The following COL4A6 variants were observed in gnomAD, a reference collection of about 807,000 sequenced individuals.
COL4A6 encodes the protein collagen type IV alpha 6 chain, also known as collagen alpha-6(IV) chain.
A neutral mutation model predicts 126.7 loss-of-function variants in COL4A6; 59 were observed. That is an observed-to-expected ratio of 0.47 (90% CI 0.38 to 0.58). The LOEUF (loss-of-function observed/expected upper bound fraction) is 0.58, where lower values mean the gene tolerates loss of function less well. Ranked by LOEUF, COL4A6 falls within the 20% of genes least tolerant of loss-of-function variation. The pLI, the probability that COL4A6 is intolerant of heterozygous loss-of-function variation, is 0.00. For missense variants in COL4A6, 1,285 were observed against 1,337.3 expected (o/e 0.96, Z 0.61); for synonymous variants, 547 against 496.6 (o/e 1.10, Z -1.35).
intron 3 of COL4A6, among the ~76,000 whole-genome samples, chrX:108,227,895 TG>T (rs202119844): frequency 4.9e-3 from 543 of 111,839 alleles, no homozygotes; most frequent in African/African-American, 0.017. Flanking sequence ...TTCAGATGGT[TG>T]GGGGGACCTT....
At chrX:108,207,241 A>T (rs752597666) in intron 8 of COL4A6, among the ~76,000 whole-genome samples, 1 of 102,639 alleles carries the variant, frequency 9.7e-6, no homozygotes, top group South Asian at 4.7e-4. Context: ...TGGATTAAAC[A>T]CCGCATGTTC....
intron 2 of COL4A6, among the ~76,000 whole-genome samples, chrX:108,414,181 A>G (rs998882279): frequency 4.5e-5 from 5 of 112,340 alleles, no homozygotes; most frequent in Non-Finnish European, 9.4e-5. Context: ...CTGAGGCAGA[A>G]AGAAACATAA....
Position 108,438,253 on chromosome X carries a change from G to A in COL4A6, c.-57C>T. ...AGACTGCTAAGCGGCTCCGCGGCCCGTGCTCATCTGGGCTCTGCTGATGCT... is the reference window on the plus strand; with the variant it reads ...AGACTGCTAAGCGGCTCCGCGGCCCATGCTCATCTGGGCTCTGCTGATGCT... On this transcript the variant is annotated 5_prime_UTR_variant, in exon 1 of 45. The change creates a new upstream start codon in the 5' untranslated region. Transcript: ENST00000334504. 8.6e-7 allele frequency: 1 copy of A among 1,158,026 alleles called. No individual in the cohort carries two copies. Among genetic ancestry groups the A allele is most frequent in the Admixed American group, 2.7e-5 (1 of 36,804 alleles).
At chrX:108,291,736 C>T (rs1223354013) in intron 3 of COL4A6, among the ~76,000 whole-genome samples, 1 of 111,567 alleles carries the variant, frequency 9.0e-6, no homozygotes, top group East Asian at 2.8e-4. Context: ...CGGGAAATTG[C>T]CAGTATTAAT....
chrX:108,328,493 C>T (rs912189602), intron 2 of COL4A6, among the ~76,000 whole-genome samples: 2 of 111,264 alleles, frequency 1.8e-5, no homozygotes, highest in Non-Finnish European at 3.8e-5. Flanking sequence ...CAAAGCTTTA[C>T]AATACCAGCA....
chrX:108,333,203 T>C (rs1313051606), intron 2 of COL4A6, among the ~76,000 whole-genome samples: 1 of 111,534 alleles, frequency 9.0e-6, no homozygotes, highest in East Asian at 2.8e-4. Context: ...ATTTTTATAC[T>C]AGAACTATGC....
chrX:108,276,861 C>T (rs1397094314), intron 3 of COL4A6, among the ~76,000 whole-genome samples: 2 of 112,303 alleles, frequency 1.8e-5, no homozygotes, highest in Admixed American at 9.4e-5. Context: ...CTATGTACCT[C>T]AAACATTCCC....
chrX:108,194,765 A>T (rs1602771744), intron 15 of COL4A6, 178 bp from the exon 16 acceptor site: 13 of 475,560 alleles, frequency 2.7e-5, no homozygotes, highest in Non-Finnish European at 4.3e-5. Flanking sequence ...GGCAGTAGGT[A>T]GCCAATTTAC....
chrX:108,270,657 T>C (rs898646727), intron 3 of COL4A6, among the ~76,000 whole-genome samples: 26 of 112,379 alleles, frequency 2.3e-4, no homozygotes, highest in Non-Finnish European at 7.5e-5. Context: ...CATTAACTCA[T>C]AGAGGTGGTA....
intron 35 of COL4A6, among the ~76,000 whole-genome samples, chrX:108,170,383 A>T (rs2034262987): frequency 8.9e-6 from 1 of 112,003 alleles, no homozygotes; most frequent in Admixed American, 9.4e-5. Flanking sequence ...TGCCAGGGCA[A>T]TTGCCTTCCT....
intron 5 of COL4A6, among the ~76,000 whole-genome samples, chrX:108,217,762 G>T (rs1376661097): frequency 8.9e-6 from 1 of 111,779 alleles, no homozygotes; most frequent in Non-Finnish European, 1.9e-5. Context: ...AAGAAAGTGG[G>T]ATTTTATGGA....
rs143895379 is a variant in COL4A6, at chrX:108,178,828, C to T, written c.2371G>A (p.Gly791Ser). The T allele has an allele frequency of 2.3e-3, 2,731 of 1,208,542 alleles. 1 individual carries two copies. The highest frequency in any genetic ancestry group is 2.8e-3 in the Non-Finnish European group (2,546 of 894,777). The change falls in exon 27 of 45, where the codon GGC (glycine) becomes AGC (serine). Residue 791 changes from glycine (G) to serine (S), a missense_variant. Transcript: ENST00000334504. ...PGLKGVHGKP[G>S]LLGPKGERGS... ...CGCTCACCTTTGGGGCCTAGTAAGC[C>T]AGGCTTCCCGTGCACACCTGATAAA...
chrX:108,405,031 CACAA>C (rs2041175024), intron 2 of COL4A6, among the ~76,000 whole-genome samples: 1 of 110,967 alleles, frequency 9.0e-6, no homozygotes, highest in Admixed American at 9.6e-5. Context: ...AACACACAAA[CACAA>C]ACACACACAC....
At chrX:108,182,555 A>G (rs2034719224) in intron 23 of COL4A6, among the ~76,000 whole-genome samples, 1 of 112,236 alleles carries the variant, frequency 8.9e-6, no homozygotes, top group African/African-American at 3.2e-5. Flanking sequence ...TTTCCCTACT[A>G]TGGAAATATG....
intron 2 of COL4A6, among the ~76,000 whole-genome samples, chrX:108,404,536 C>T (rs1281367654): frequency 3.6e-5 from 4 of 111,884 alleles, no homozygotes; most frequent in Non-Finnish European, 7.5e-5. Context: ...CAATTCACCT[C>T]ATGTGTTATA....
chrX:108,258,815 A>T, intron 3 of COL4A6, among the ~76,000 whole-genome samples: 1 of 111,710 alleles, frequency 9.0e-6, no homozygotes. Flanking sequence ...TCACTTTAGA[A>T]ATCACTTAAC....
intron 2 of COL4A6, among the ~76,000 whole-genome samples, chrX:108,358,614 C>T (rs2040009617): frequency 9.0e-6 from 1 of 111,046 alleles, no homozygotes; most frequent in African/African-American, 3.3e-5. Context: ...AGGCTGGTCT[C>T]GAACTCCTGA....
intron 2 of COL4A6, among the ~76,000 whole-genome samples, chrX:108,424,966 C>T (rs941558600): frequency 5.4e-5 from 6 of 110,752 alleles, no homozygotes; most frequent in Admixed American, 4.8e-4. Flanking sequence ...GAGTGGTGAT[C>T]ACACCACTGC....
At chrX:108,439,078 A>G (rs113117033), upstream of COL4A6, among the ~76,000 whole-genome samples, 15 of 112,329 alleles carry the variant, frequency 1.3e-4, no homozygotes, top group African/African-American at 4.5e-4. Context: ...AATATTTCCA[A>G]TTAAGTGTTT....
Sources: allele counts gnomAD v4.1 joint callset (sites outside exome capture counted in the v4.1 genomes callset), GRCh38; gene constraint gnomAD v4.1.1; transcripts MANE v1.5; gene names NCBI Gene and HGNC (gene_info 2026-07-23, HGNC 2026-07-21).